Variants in NOX4 observed in about 807,000 individuals in gnomAD.
NOX4 encodes the protein kidney oxidase-1.
Under a neutral mutation model 87.6 loss-of-function variants are expected in NOX4, and 69 were observed. The observed-to-expected ratio is 0.79, with a 90% confidence interval of 0.65 to 0.96. NOX4 has a LOEUF of 0.96. Ranked by LOEUF, NOX4 falls within the 40% of genes least tolerant of loss-of-function variation. The pLI, the probability that NOX4 is intolerant of heterozygous loss-of-function variation, is 0.00. For synonymous variants in NOX4, 275 were observed against 238.2 expected (o/e 1.15, Z -1.42); for missense variants, 680 against 681.5 (o/e 1.00, Z 0.02).
the NOX4 span, among the ~76,000 whole-genome samples, chr11:89,528,367 G>C: frequency 1.3e-5 from 2 of 152,144 alleles, no homozygotes; most frequent in African/African-American, 4.8e-5. Flanking sequence ...CTACTGGGAA[G>C]GCATGATTGG....
At chr11:89,515,587 A>G in the NOX4 span, among the ~76,000 whole-genome samples, 2 of 151,678 alleles carry the variant, frequency 1.3e-5, no homozygotes, top group African/African-American at 2.4e-5. Flanking sequence ...CAATTAATTA[A>G]TATATTTAAT....
At chr11:89,398,154 G>A (rs953511366) in intron 11 of NOX4, among the ~76,000 whole-genome samples, 6 of 150,774 alleles carry the variant, frequency 4.0e-5, no homozygotes, top group African/African-American at 4.9e-5. Flanking sequence ...ATGCAAGGCT[G>A]GTTCAACATA....
chr11:89,470,522 G>A (rs1945886586), intron 2 of NOX4, among the ~76,000 whole-genome samples: 1 of 152,126 alleles, frequency 6.6e-6, no homozygotes, highest in South Asian at 2.1e-4. Context: ...AGGAAATCCA[G>A]TTAAGATCTG....
At chr11:89,499,186 G>T (rs1164128644), upstream of NOX4, 1 of 152,154 alleles carries the variant, frequency 6.6e-6, no homozygotes, top group Non-Finnish European at 1.5e-5. Flanking sequence ...AGTCCACTTT[G>T]TAGGAGCCAT....
chr11:89,524,390 T>C, the NOX4 span, among the ~76,000 whole-genome samples: 1 of 152,192 alleles, frequency 6.6e-6, no homozygotes. Flanking sequence ...GAGTACCTTC[T>C]AGGTATAATA....
intron 2 of NOX4, among the ~76,000 whole-genome samples, chr11:89,453,662 C>T (rs1160498594): frequency 6.6e-6 from 1 of 152,104 alleles, no homozygotes; most frequent in Non-Finnish European, 1.5e-5. Context: ...CCTCTTTCTG[C>T]AACCCTAGGA....
the NOX4 span, among the ~76,000 whole-genome samples, chr11:89,505,475 C>T: frequency 6.6e-6 from 1 of 151,776 alleles, no homozygotes; most frequent in Non-Finnish European, 1.5e-5. Flanking sequence ...CAGGAAAGGC[C>T]TTTCTAAGGA....
the NOX4 span, among the ~76,000 whole-genome samples, chr11:89,510,953 A>G: frequency 6.6e-6 from 1 of 152,042 alleles, no homozygotes; most frequent in Non-Finnish European, 1.5e-5. Flanking sequence ...TAATTTTAAC[A>G]CAATCTCTTT....
At chr11:89,468,481 T>G (rs1945798939) in intron 2 of NOX4, among the ~76,000 whole-genome samples, 1 of 152,176 alleles carries the variant, frequency 6.6e-6, no homozygotes, top group African/African-American at 2.4e-5. Flanking sequence ...ACGGATGCTA[T>G]CTGCTAATTT....
chr11:89,379,417 T>C (rs1041577258), intron 11 of NOX4, among the ~76,000 whole-genome samples: 2 of 151,742 alleles, frequency 1.3e-5, no homozygotes, highest in African/African-American at 4.8e-5. Context: ...GGTAATTTTA[T>C]CCCCAGATTC....
chr11:89,478,583 A>C (rs1201278038), intron 2 of NOX4, among the ~76,000 whole-genome samples: 1 of 152,188 alleles, frequency 6.6e-6, no homozygotes, highest in Non-Finnish European at 1.5e-5. Context: ...CAAGAATCAG[A>C]ATGACGGTCA....
At chr11:89,334,703 T>C (rs1945622675) in intron 17 of NOX4, among the ~76,000 whole-genome samples, 2 of 151,632 alleles carry the variant, frequency 1.3e-5, no homozygotes, top group Admixed American at 1.3e-4. Context: ...TTCAACTATA[T>C]AAAGTAATTG....
intron 8 of NOX4, among the ~76,000 whole-genome samples, chr11:89,406,511 C>T (rs1942193635): frequency 6.6e-6 from 1 of 152,094 alleles, no homozygotes; most frequent in South Asian, 2.1e-4. Flanking sequence ...TGATATACCT[C>T]ATTTAGACAT....
intron 11 of NOX4, among the ~76,000 whole-genome samples, chr11:89,392,820 A>T (rs1216958904): frequency 1.3e-5 from 2 of 152,166 alleles, no homozygotes; most frequent in Non-Finnish European, 2.9e-5. Context: ...TTTTCATGGA[A>T]TTCCAAAAAG....
the NOX4 span, among the ~76,000 whole-genome samples, chr11:89,541,164 T>G: frequency 6.6e-6 from 1 of 152,168 alleles, no homozygotes; most frequent in Non-Finnish European, 1.5e-5. Flanking sequence ...TGTAGTTCAT[T>G]TCTCCATATT....
chr11:89,440,017 G>A (rs1246342120), intron 6 of NOX4, among the ~76,000 whole-genome samples: 2 of 152,068 alleles, frequency 1.3e-5, no homozygotes, highest in Non-Finnish European at 2.9e-5. Context: ...ATTGAGGGCA[G>A]GAGCCTGTTA....
At chr11:89,336,445 A>G (rs1174795168) in intron 16 of NOX4, among the ~76,000 whole-genome samples, 5 of 151,990 alleles carry the variant, frequency 3.3e-5, no homozygotes, top group Admixed American at 6.6e-5. Flanking sequence ...GTAAAATACT[A>G]CAAATTGTCA....
intron 11 of NOX4, among the ~76,000 whole-genome samples, chr11:89,394,058 C>T (rs908811775): frequency 5.9e-5 from 9 of 152,084 alleles, no homozygotes; most frequent in Non-Finnish European, 1.0e-4. Context: ...AGAAGCAGGC[C>T]AGGCCATAGA....
At chr11:89,356,299 A>G (rs1938045978) in intron 12 of NOX4, among the ~76,000 whole-genome samples, 1 of 152,026 alleles carries the variant, frequency 6.6e-6, no homozygotes, top group African/African-American at 2.4e-5. Context: ...AAATAAGTGA[A>G]TGACGGCCAG....
Sources: allele counts gnomAD v4.1 joint callset (sites outside exome capture counted in the v4.1 genomes callset), GRCh38; gene constraint gnomAD v4.1.1; transcripts MANE v1.5; gene names NCBI Gene and HGNC (gene_info 2026-07-23, HGNC 2026-07-21).